The following LINGO1 variants were observed in gnomAD, a reference collection of about 807,000 sequenced individuals.
LINGO1 encodes the protein leucine rich repeat and Ig domain containing 1.
LINGO1 carries 11 observed loss-of-function variants against 37.3 expected under a neutral mutation model. The observed-to-expected ratio is 0.29, with a 90% CI of 0.19 to 0.49. The LOEUF (loss-of-function observed/expected upper bound fraction) is 0.49. Among genes scored for constraint, LINGO1 ranks in the 20% least tolerant of loss-of-function variants. LINGO1 has a pLI of 0.99. For missense variants in LINGO1, 585 were observed against 878.2 expected, an observed-to-expected ratio of 0.67 and a Z score of 4.22; for synonymous variants, 387 against 403.0, an observed-to-expected ratio of 0.96 and a Z score of 0.48.
rs765997120 is a variant in LINGO1 at position 77,614,900 on chromosome 15, T to C, written c.1007A>G (p.Tyr336Cys). The part of the protein sequence containing the change: ...VEPYAFRGLN[Y>C]LRVLNVSGNQ... Reference sequence around the variant, plus strand: ...GCCAGAGACATTGAGCACGCGCAGGTAGTTGAGGCCGCGGAAGGCATAGGG... The same window carrying C: ...GCCAGAGACATTGAGCACGCGCAGGCAGTTGAGGCCGCGGAAGGCATAGGG... The change falls in exon 2 of 2, where the codon TAC (tyrosine) becomes TGC (cysteine). Residue 336 changes from tyrosine to cysteine, a missense_variant. Physicochemically the swap from Tyr to Cys is radical, Grantham distance 194. Around this residue, in one of 4 missense-constraint regions of LINGO1, gnomAD observed 484 missense variants for 735.0 expected, o/e 0.66. Transcript: ENST00000355300. The C allele has an allele frequency of 2.5e-6, 4 of 1,613,692 alleles. No homozygotes were observed. Among genetic ancestry groups the C allele is most frequent in the East Asian group, 2.2e-5 (1 of 44,858 alleles).
intron 1 of LINGO1, among the ~76,000 whole-genome samples, chr15:77,751,432 A>G (rs1238722816): frequency 6.6e-6 from 1 of 152,196 alleles, no homozygotes; most frequent in Non-Finnish European, 1.5e-5. Flanking sequence ...AGAAATTTAG[A>G]ATACCAGAAA....
chr15:77,752,147 G>A (rs1195927214), intron 1 of LINGO1, among the ~76,000 whole-genome samples: 6 of 152,190 alleles, frequency 3.9e-5, no homozygotes, highest in Admixed American at 6.5e-5. Flanking sequence ...GCTGCTGGGG[G>A]ACAGAAGGCC....
chr15:77,675,958 AC>A lies in LINGO1; in HGVS notation c.-13+1130del. Among the ~76,000 whole-genome samples the A allele has an allele frequency of 2.6e-5, 4 of 152,196 alleles. No individual in the cohort carries two copies. The East Asian group carries it at 7.7e-4, about 29-fold the overall frequency. Reference sequence around the variant, plus strand: ...CAATTTTCTATTCCTGGTTCCTTTCACAGCTCCATGCCTGTCTCTCAGCTCT... The same window carrying A: ...CAATTTTCTATTCCTGGTTCCTTTCAAGCTCCATGCCTGTCTCTCAGCTCT... On this transcript the variant is annotated intron_variant, in intron 3 of 3. Transcript: ENST00000559893.
upstream of LINGO1, chr15:77,634,262 A>C (rs1292151700): frequency 6.6e-6 from 3 of 456,066 alleles, no homozygotes; most frequent in Non-Finnish European, 1.3e-5. Flanking sequence ...CACAGCCCAA[A>C]GGCTTGCACA....
chr15:77,619,702 T>TAAATA (rs138166574), intron 1 of LINGO1, among the ~76,000 whole-genome samples: 18,989 of 147,024 alleles, frequency 0.13, 1,608 homozygotes, highest in Non-Finnish European at 0.19. Context: ...AAACAATAAA[T>TAAATA]AAATAAAATA....
chr15:77,763,086 T>G (rs746378146), intron 1 of LINGO1, among the ~76,000 whole-genome samples: 9 of 152,132 alleles, frequency 5.9e-5, no homozygotes, highest in Non-Finnish European at 1.0e-4. Context: ...GATGCAGAAT[T>G]AAGCACAAGT....
chr15:77,802,620 G>C (rs1193145830), intron 1 of LINGO1, among the ~76,000 whole-genome samples: 2 of 152,084 alleles, frequency 1.3e-5, no homozygotes, highest in African/African-American at 2.4e-5. Flanking sequence ...CCCTTCCCTT[G>C]AACAATTGTT....
chr15:77,769,532 C>T (rs2076563006), intron 1 of LINGO1, among the ~76,000 whole-genome samples: 2 of 152,172 alleles, frequency 1.3e-5, no homozygotes, highest in Non-Finnish European at 2.9e-5. Flanking sequence ...CTATCAGGGT[C>T]TGACTCTCCC....
At chr15:77,721,315 T>C (rs1319205186) in intron 2 of LINGO1, among the ~76,000 whole-genome samples, 1 of 152,086 alleles carries the variant, frequency 6.6e-6, no homozygotes, top group Non-Finnish European at 1.5e-5. Context: ...CCTTGGTATG[T>C]GCTCTTCCCT....
At chr15:77,626,407 G>A (rs958342539) in intron 1 of LINGO1, among the ~76,000 whole-genome samples, 3 of 152,188 alleles carry the variant, frequency 2.0e-5, no homozygotes, top group Admixed American at 2.0e-4. Flanking sequence ...CTCTCTCCTA[G>A]CCCTGGCAGT....
At position 77,673,062 on chromosome 15, in the gene LINGO1, G is replaced by C. The variant is rs116589173; in HGVS notation, c.-13+4027C>G. Among the ~76,000 whole-genome samples, 621 of 152,324 alleles carry C rather than the reference G, an allele frequency of 4.1e-3. 7 individuals are homozygous for C. The highest frequency in any genetic ancestry group is 0.014 in the African/African-American group (586 of 41,562). ...ACAAACAGTGCCGAAACAACTGCAAGTCATTTGGGAAAAAACCACTTAGAT... is the reference window on the plus strand; with the variant it reads ...ACAAACAGTGCCGAAACAACTGCAACTCATTTGGGAAAAAACCACTTAGAT... On this transcript the variant is annotated intron_variant, in intron 3 of 3. Coordinates refer to the LINGO1 transcript ENST00000559893.
In LINGO1 at chr15:77,794,373, CGTATATGTATATACATACATATATACGT is replaced by C. The variant is rs1567588174; in HGVS notation, c.-343+1538_-343+1565del. ...ATACGTATATATGTGTATATACATA[CGTATATGTATATACATACATATATACGT>C]ATATATGTGTATATACATACGTATA... On this transcript the variant is annotated intron_variant, in intron 2 of 5. Coordinates refer to the LINGO1 transcript ENST00000562933. Among the ~76,000 whole-genome samples the C allele has an allele frequency of 3.0e-4, 19 of 62,730 alleles. 1 individual carries two copies. The highest frequency in any genetic ancestry group is 4.6e-4 in the Non-Finnish European group (14 of 30,696). The allele number at this position is 62,730 out of a possible 152,430, so 41.2% of individuals were successfully genotyped here. A position where few individuals can be genotyped will look rare whatever the true frequency, so the allele number is the denominator to read the frequency against.
At chr15:77,641,043 G>A (rs997899346) in intron 3 of LINGO1, among the ~76,000 whole-genome samples, 7 of 152,210 alleles carry the variant, frequency 4.6e-5, no homozygotes, top group African/African-American at 1.4e-4. Flanking sequence ...CAAAGGATGA[G>A]TTGGGATCAG....
intron 1 of LINGO1, among the ~76,000 whole-genome samples, chr15:77,624,390 G>A: frequency 6.6e-6 from 1 of 152,076 alleles, no homozygotes; most frequent in Non-Finnish European, 1.5e-5. Flanking sequence ...GGCATGGTGT[G>A]ATTGTCTGCC....
At chr15:77,810,329 T>G (rs1186372261) in intron 1 of LINGO1, among the ~76,000 whole-genome samples, 2 of 145,920 alleles carry the variant, frequency 1.4e-5, no homozygotes, top group Non-Finnish European at 3.0e-5. Context: ...CACATACACA[T>G]GCACACACAC....
intron 3 of LINGO1, among the ~76,000 whole-genome samples, chr15:77,661,694 C>T (rs2074997050): frequency 6.6e-6 from 1 of 152,216 alleles, no homozygotes; most frequent in Admixed American, 6.5e-5. Context: ...AGACCCTTGT[C>T]CTCTTTCCCC....
chr15:77,759,765 C>A lies in LINGO1; in HGVS notation c.-256-24712G>T, dbSNP rs116606252. On this transcript the variant is annotated intron_variant, in intron 1 of 3. Coordinates refer to the LINGO1 transcript ENST00000561686. ...GGCGTCTACCTCTCTGTAAATCTTG[C>A]TCTAATTGAGTGTCCTATTAAAACA... 8.5e-3 allele frequency among the ~76,000 whole-genome samples: 1,294 copies of A among 152,316 alleles called. 26 individuals carry two copies. Among genetic ancestry groups the A allele is most frequent in the African/African-American group, 0.029 (1,217 of 41,568 alleles).
At chr15:77,715,472 T>C (rs2075972962) in intron 2 of LINGO1, among the ~76,000 whole-genome samples, 1 of 151,964 alleles carries the variant, frequency 6.6e-6, no homozygotes, top group Non-Finnish European at 1.5e-5. Context: ...AGGAACAGAG[T>C]CTCCAGCCCT....
chr15:77,759,236 C>A (rs181581118), intron 1 of LINGO1, among the ~76,000 whole-genome samples: 118 of 152,314 alleles, frequency 7.7e-4, no homozygotes, highest in African/African-American at 2.7e-3. Context: ...CCTTCACTGG[C>A]CTCTGGCTTG....
Sources: gnomAD v4.1 joint callset for allele counts (sites outside exome capture counted in the v4.1 genomes callset) on GRCh38, gnomAD v4.1.1 for gene constraint, gnomAD v4.1.1 regional missense constraint, MANE v1.5 for transcripts, NCBI Gene and HGNC (gene_info 2026-07-23, HGNC 2026-07-21) for gene names.